Variants in DGKB observed in about 807,000 individuals in gnomAD.
DGKB encodes diacylglycerol kinase beta.
DGKB carries 67 observed loss-of-function variants against 114.3 expected under a neutral mutation model. The observed-to-expected ratio is 0.59, with a 90% confidence interval of 0.48 to 0.72. The LOEUF is 0.72. Among genes scored for constraint, DGKB ranks in the 30% least tolerant of loss-of-function variants. The probability of loss-of-function intolerance (pLI) is 0.00; values close to 1 mark genes in which losing one functional copy is unlikely to be tolerated. For missense variants in DGKB, 907 were observed against 975.2 expected (o/e 0.93, Z 0.93); for synonymous variants, 398 against 323.1 (o/e 1.23, Z -2.49).
At chr7:14,809,457 A>C (rs1169521218) in intron 2 of DGKB, among the ~76,000 whole-genome samples, 2 of 152,130 alleles carry the variant, frequency 1.3e-5, no homozygotes, top group Non-Finnish European at 2.9e-5. Flanking sequence ...AGGAGTGTAC[A>C]GATTATGTAG....
chr7:14,869,150 G>T (rs1020619904), intron 1 of DGKB, among the ~76,000 whole-genome samples: 1 of 152,142 alleles, frequency 6.6e-6, no homozygotes, highest in Admixed American at 6.5e-5. Flanking sequence ...ATAAGGAATG[G>T]CATCTTGCCA....
At chr7:14,450,794 T>C (rs377682931) in intron 21 of DGKB, among the ~76,000 whole-genome samples, 26 of 152,018 alleles carry the variant, frequency 1.7e-4, no homozygotes, top group East Asian at 1.5e-3. Flanking sequence ...CCAAGTCACA[T>C]AGACCTTATT....
At chr7:14,860,320 A>C (rs1257611084) in intron 1 of DGKB, among the ~76,000 whole-genome samples, 1 of 152,068 alleles carries the variant, frequency 6.6e-6, no homozygotes. Context: ...ATTCTTTCTA[A>C]TTCATCACCT....
At chr7:14,363,257 A>G (rs1286739543) in intron 21 of DGKB, among the ~76,000 whole-genome samples, 1 of 152,240 alleles carries the variant, frequency 6.6e-6, no homozygotes, top group Middle Eastern at 3.4e-3. Context: ...AAGACACATA[A>G]ACGTATATAC....
chr7:14,185,904 C>T (rs10235965), intron 23 of DGKB, among the ~76,000 whole-genome samples: 1 of 152,140 alleles, frequency 6.6e-6, no homozygotes, highest in South Asian at 2.1e-4. Flanking sequence ...AGACCTGAAA[C>T]TATAAAAATT....
rs112994351 is a variant in DGKB at position 14,339,480 on chromosome 7, C to T, written c.1927-770G>A. On this transcript the variant is annotated intron_variant, in intron 22 of 25. Transcript: ENST00000402815. The stretch of plus-strand genomic sequence containing the variant: ...TAATCAGCCCAATTTTTCTTATTTT[C>T]CTGGTGACAAAACACCCTGGTGATT... Among the ~76,000 whole-genome samples, 121 of 151,888 alleles carry T rather than the reference C, an allele frequency of 8.0e-4. 1 individual carries two copies. The highest frequency in any genetic ancestry group is 2.8e-3 in the African/African-American group (117 of 41,500).
At chr7:14,542,131 C>T (rs1793564601) in intron 20 of DGKB, among the ~76,000 whole-genome samples, 1 of 151,866 alleles carries the variant, frequency 6.6e-6, no homozygotes, top group Non-Finnish European at 1.5e-5. Context: ...TCCTCATGGG[C>T]CATTCTTAAC....
chr7:14,847,285 C>T lies in DGKB; in HGVS notation c.-187-5835G>A, dbSNP rs373193528. Among the ~76,000 whole-genome samples, 763 of 116,428 alleles carry T rather than the reference C, an allele frequency of 6.6e-3. 8 individuals are homozygous for T. The highest frequency in any genetic ancestry group is 0.024 in the African/African-American group (714 of 29,516). The allele number at this position is 116,428 out of a possible 152,430, so 76.4% of individuals were successfully genotyped here. A position where few individuals can be genotyped will look rare whatever the true frequency, so the allele number is the denominator to read the frequency against. ...CAGCCTGGGCGACAGAGCGAGACTC[C>T]GTCTCAAAAAAAAAAAAAAAAAAAG... On this transcript the variant is annotated intron_variant, in intron 1 of 25. Coordinates refer to ENST00000402815, the MANE Select transcript of DGKB (RefSeq NM_001350709.2).
intron 1 of DGKB, among the ~76,000 whole-genome samples, chr7:14,891,154 G>A (rs888866118): frequency 6.6e-6 from 1 of 151,298 alleles, no homozygotes; most frequent in Non-Finnish European, 1.5e-5. Flanking sequence ...CAGGGAATAC[G>A]TTCCAAAGCA....
intron 20 of DGKB, among the ~76,000 whole-genome samples, chr7:14,560,398 C>T (rs1796483408): frequency 6.6e-6 from 1 of 152,116 alleles, no homozygotes; most frequent in Non-Finnish European, 1.5e-5. Context: ...GCCACAATTC[C>T]ACTCTTCAGT....
chr7:14,349,678 C>T lies in DGKB; in HGVS notation c.1836-4287G>A, dbSNP rs150570801. Among the ~76,000 whole-genome samples the T allele has an allele frequency of 2.3e-3, 357 of 152,214 alleles. 9 individuals carry two copies. In the East Asian group the frequency reaches 0.045, roughly 19 times the overall value. ...AAATATATGGAGGTAATAAAATGCACATGGTATCAGATTCCACATGACAAA... is the reference window on the plus strand; with the variant it reads ...AAATATATGGAGGTAATAAAATGCATATGGTATCAGATTCCACATGACAAA... On this transcript the variant is annotated intron_variant, in intron 21 of 25. Transcript: ENST00000402815.
intron 1 of DGKB, among the ~76,000 whole-genome samples, chr7:14,934,058 T>C (rs996332269): frequency 6.6e-6 from 1 of 152,082 alleles, no homozygotes; most frequent in Admixed American, 6.6e-5. Flanking sequence ...CTGAATACCC[T>C]TTTGTTGTTT....
At chr7:14,476,926 A>G (rs1782265945) in intron 21 of DGKB, among the ~76,000 whole-genome samples, 1 of 151,692 alleles carries the variant, frequency 6.6e-6, no homozygotes, top group African/African-American at 2.4e-5. Flanking sequence ...TCATTTTTGT[A>G]TTTTTAGTAG....
intron 3 of DGKB, among the ~76,000 whole-genome samples, chr7:14,754,603 A>T (rs1422255632): frequency 1.3e-5 from 2 of 152,150 alleles, no homozygotes; most frequent in African/African-American, 4.8e-5. Context: ...TGGAATGCTA[A>T]ACTGGTTTCC....
intron 20 of DGKB, among the ~76,000 whole-genome samples, chr7:14,567,532 A>C (rs1245359081): frequency 1.0e-5 from 1 of 97,704 alleles, no homozygotes; most frequent in Non-Finnish European, 1.9e-5. Flanking sequence ...TATTATAATT[A>C]TATATAATTA....
intron 21 of DGKB, among the ~76,000 whole-genome samples, chr7:14,439,281 C>A (rs1829729932): frequency 6.6e-6 from 1 of 152,044 alleles, no homozygotes; most frequent in Non-Finnish European, 1.5e-5. Flanking sequence ...ACTTTTAAAT[C>A]TTTGTTTAGG....
intron 1 of DGKB, among the ~76,000 whole-genome samples, chr7:14,886,231 G>A (rs548095395): frequency 1.3e-5 from 2 of 151,980 alleles, no homozygotes; most frequent in South Asian, 2.1e-4. Context: ...CAATATGGAA[G>A]CTGGGAGGTT....
intron 1 of DGKB, among the ~76,000 whole-genome samples, chr7:14,923,983 CAAA>C (rs56032330): frequency 0.17 from 13,141 of 76,128 alleles, 1,021 homozygotes; most frequent in East Asian, 0.25. Flanking sequence ...AGCTCCATCT[CAAA>C]AAAAAAAAAA....
chr7:14,877,934 G>C (rs979638041), intron 1 of DGKB, among the ~76,000 whole-genome samples: 2 of 151,824 alleles, frequency 1.3e-5, no homozygotes, highest in Non-Finnish European at 2.9e-5. Flanking sequence ...TATATCTTTA[G>C]TGCCAATTTT....
Sources: gnomAD v4.1 joint callset for allele counts (sites outside exome capture counted in the v4.1 genomes callset) on GRCh38, gnomAD v4.1.1 for gene constraint, MANE v1.5 for transcripts, NCBI Gene and HGNC (gene_info 2026-07-23, HGNC 2026-07-21) for gene names.